FUT8: variants seen among roughly 807,000 people sequenced by gnomAD.
FUT8 encodes alpha-(1,6)-fucosyltransferase.
Under a neutral mutation model 71.3 loss-of-function variants are expected in FUT8, and 29 were observed. The ratio of observed to expected loss-of-function variants is 0.41; its 90% CI spans 0.30 to 0.55. FUT8 has a LOEUF of 0.55. FUT8 is among the 20% of genes least tolerant of loss of function. FUT8 has a pLI of 0.34. For missense variants in FUT8, 544 were observed against 702.1 expected (o/e 0.77, Z 2.55); for synonymous variants, 254 against 239.3 (o/e 1.06, Z -0.57).
At chr14:65,380,732 T>C in the FUT8 span, among the ~76,000 whole-genome samples, 3,377 of 152,308 alleles carry the variant, frequency 0.022, 100 homozygotes, top group East Asian at 0.096. Context: ...ACCCCCAATC[T>C]CAACTTGGTT....
chr14:65,442,915 G>A (rs984645444), intron 1 of FUT8, among the ~76,000 whole-genome samples: 1 of 151,806 alleles, frequency 6.6e-6, no homozygotes, highest in African/African-American at 2.4e-5. Context: ...TCAGAAACAG[G>A]GAAATCTATA....
chr14:65,583,504 A>G (rs1887197594), intron 3 of FUT8, among the ~76,000 whole-genome samples: 2 of 152,200 alleles, frequency 1.3e-5, no homozygotes, highest in South Asian at 4.1e-4. Flanking sequence ...CCACAATCAC[A>G]GTTATCACTG....
intron 2 of FUT8, among the ~76,000 whole-genome samples, chr14:65,456,693 T>C (rs2065898181): frequency 6.6e-6 from 1 of 151,852 alleles, no homozygotes; most frequent in Admixed American, 6.6e-5. Context: ...GCCAACATGA[T>C]GAAACCTCAT....
intron 3 of FUT8, among the ~76,000 whole-genome samples, chr14:65,588,709 G>T (rs1411521709): frequency 6.6e-6 from 1 of 151,920 alleles, no homozygotes; most frequent in Non-Finnish European, 1.5e-5. Flanking sequence ...CTGAAAATAA[G>T]ATATTTTGAG....
At chr14:65,677,151 T>TGTGTGCGCGCGCGCGTGCGC in intron 7 of FUT8, among the ~76,000 whole-genome samples, 1 of 110,702 alleles carries the variant, frequency 9.0e-6, no homozygotes, top group Non-Finnish European at 1.8e-5. Context: ...TGTGTGTGTG[T>TGTGTGCGCGCGCGCGTGCGC]GCGCGCGCGC....
intron 2 of FUT8, among the ~76,000 whole-genome samples, chr14:65,482,472 T>C (rs1286291331): frequency 2.6e-5 from 4 of 152,152 alleles, no homozygotes; most frequent in African/African-American, 9.7e-5. Flanking sequence ...TATAACCAAC[T>C]AAACAGTAGC....
intron 10 of FUT8, among the ~76,000 whole-genome samples, chr14:65,736,452 G>A (rs1424893018): frequency 6.6e-6 from 1 of 151,294 alleles, no homozygotes; most frequent in African/African-American, 2.4e-5. Flanking sequence ...AATGCTTAGG[G>A]TCCGTAAAGA....
chr14:65,464,858 G>C (rs1373119074), intron 2 of FUT8, among the ~76,000 whole-genome samples: 1 of 152,188 alleles, frequency 6.6e-6, no homozygotes, highest in Admixed American at 6.5e-5. Context: ...GAATGAGTTA[G>C]AAGTGCTCAC....
chr14:65,364,045 A>G, the FUT8 span, among the ~76,000 whole-genome samples: 1 of 152,182 alleles, frequency 6.6e-6, no homozygotes, highest in Non-Finnish European at 1.5e-5. Context: ...GGTGGAGAAC[A>G]CTGGTTCTCC....
rs1020884210 is a variant in FUT8, at chr14:65,742,387, A to C, written c.1705A>C (p.Thr569Pro). ...REKIETVKYPTYPEAEK is the reference protein window; with the variant it reads ...REKIETVKYPPYPEAEK ...GAAGATAGAAACGGTCAAGTACCCC[A>C]CATATCCTGAGGCTGAGAAATAAAG... Residue 569 changes from threonine to proline, a missense_variant, in exon 11 of 11, where the codon ACA becomes CCA. Thr to Pro is a conservative substitution (Grantham distance 38). Coordinates refer to ENST00000673929, the MANE Select transcript of FUT8 (RefSeq NM_001371533.1). 6.2e-7 allele frequency: 1 copy of C among 1,612,070 alleles called. No individual in the cohort carries two copies. Among genetic ancestry groups the C allele is most frequent in the Non-Finnish European group, 8.5e-7 (1 of 1,178,746 alleles).
At chr14:65,429,291 G>A (rs1049897046) in intron 1 of FUT8, among the ~76,000 whole-genome samples, 1 of 152,156 alleles carries the variant, frequency 6.6e-6, no homozygotes, top group Non-Finnish European at 1.5e-5. Context: ...GCTATTAAAT[G>A]ATTGAACTTT....
chr14:65,716,090 A>C (rs567191152), intron 7 of FUT8, among the ~76,000 whole-genome samples: 1 of 152,288 alleles, frequency 6.6e-6, no homozygotes, highest in East Asian at 1.9e-4. Flanking sequence ...GAGGAGAAGA[A>C]TGTGTATTCT....
chr14:65,672,789 G>A (rs186494507), intron 7 of FUT8, among the ~76,000 whole-genome samples: 26 of 152,210 alleles, frequency 1.7e-4, no homozygotes, highest in African/African-American at 6.3e-4. Flanking sequence ...GTTTTTTAAA[G>A]GATATTGACT....
At chr14:65,388,291 T>G in the FUT8 span, among the ~76,000 whole-genome samples, 1 of 152,140 alleles carries the variant, frequency 6.6e-6, no homozygotes, top group African/African-American at 2.4e-5. Context: ...CCAAATAATC[T>G]GAAGATGAGG....
In FUT8 at chr14:65,509,283, C is replaced by T. The variant is rs567237953; in HGVS notation, c.-227-52054C>T. Among the ~76,000 whole-genome samples the T allele has an allele frequency of 4.6e-5, 7 of 152,010 alleles. No individual in the cohort carries two copies. In the South Asian group the frequency reaches 1.5e-3, roughly 32 times the overall value. On this transcript the variant is annotated intron_variant, in intron 2 of 10. Transcript: ENST00000673929. ...TTCTCGGTTCTATTGTTCTGTGTGC[C>T]TGTTTTTATGCCAGTACCATGTTGT...
At chr14:65,710,615 T>C (rs983528800) in intron 7 of FUT8, among the ~76,000 whole-genome samples, 1 of 152,136 alleles carries the variant, frequency 6.6e-6, no homozygotes, top group Non-Finnish European at 1.5e-5. Context: ...TTTTCTTTCA[T>C]TGAATGCAGT....
chr14:65,494,753 AAC>A (rs1431621911), intron 2 of FUT8, among the ~76,000 whole-genome samples: 1 of 152,092 alleles, frequency 6.6e-6, no homozygotes, highest in Non-Finnish European at 1.5e-5. Flanking sequence ...TGAGGAATGA[AAC>A]TATAAACATA....
intron 2 of FUT8, among the ~76,000 whole-genome samples, chr14:65,522,756 T>C (rs1883170222): frequency 7.7e-6 from 1 of 129,680 alleles, no homozygotes; most frequent in South Asian, 2.7e-4. Flanking sequence ...CGGTGTGTGA[T>C]GTTCCCCCTC....
intron 6 of FUT8, among the ~76,000 whole-genome samples, chr14:65,653,932 G>A (rs7144971): frequency 0.69 from 105,065 of 152,068 alleles, 36,574 homozygotes; most frequent in East Asian, 0.89. Flanking sequence ...AAGAAAACTC[G>A]GAGACTTCAT....
Sources: gnomAD v4.1 joint callset for allele counts (sites outside exome capture counted in the v4.1 genomes callset) on GRCh38, gnomAD v4.1.1 for gene constraint, MANE v1.5 for transcripts, NCBI Gene and HGNC (gene_info 2026-07-23, HGNC 2026-07-21) for gene names.